Variants in PDE1C observed in about 807,000 individuals in gnomAD.
The protein encoded by PDE1C is dual specificity calcium/calmodulin-dependent 3',5'-cyclic nucleotide phosphodiesterase 1C.
PDE1C carries 62 observed loss-of-function variants against 93.1 expected under a neutral mutation model. The ratio of observed to expected loss-of-function variants is 0.67; its 90% CI spans 0.54 to 0.82. PDE1C has a LOEUF of 0.82. Among genes scored for constraint, PDE1C ranks in the 40% least tolerant of loss-of-function variants. The probability of loss-of-function intolerance (pLI) is 0.00; values close to 1 mark genes in which losing one functional copy is unlikely to be tolerated. For missense variants in PDE1C, 742 were observed against 884.6 expected, an observed-to-expected ratio of 0.84 and a Z score of 2.04; for synonymous variants, 325 against 310.1, an observed-to-expected ratio of 1.05 and a Z score of -0.50.
intron 1 of PDE1C, among the ~76,000 whole-genome samples, chr7:32,421,241 C>G (rs1261372396): frequency 6.6e-6 from 1 of 152,172 alleles, no homozygotes; most frequent in Non-Finnish European, 1.5e-5. Flanking sequence ...ACATGAACTG[C>G]TTTGTGGATT....
At chr7:31,953,002 T>C (rs951816494) in intron 2 of PDE1C, among the ~76,000 whole-genome samples, 2 of 152,158 alleles carry the variant, frequency 1.3e-5, no homozygotes, top group Non-Finnish European at 2.9e-5. Flanking sequence ...TGGGAGATTA[T>C]GTTCATTATT....
the PDE1C span, among the ~76,000 whole-genome samples, chr7:31,673,324 A>G: frequency 6.6e-6 from 1 of 151,904 alleles, no homozygotes; most frequent in African/African-American, 2.4e-5. Flanking sequence ...AGTCCTTACC[A>G]TTTGGGCCAA....
chr7:31,872,592 T>C (rs548251002), intron 6 of PDE1C, among the ~76,000 whole-genome samples: 78 of 151,978 alleles, frequency 5.1e-4, no homozygotes, highest in African/African-American at 1.7e-3. Flanking sequence ...TCCGGAGAAA[T>C]CAATATGTGG....
At chr7:32,099,689 A>G (rs1433927940) in intron 3 of PDE1C, among the ~76,000 whole-genome samples, 1 of 152,004 alleles carries the variant, frequency 6.6e-6, no homozygotes, top group African/African-American at 2.4e-5. Context: ...CAGCCTCCTC[A>G]TCTCCCATCA....
At chr7:31,958,532 A>G (rs1236432219) in intron 2 of PDE1C, among the ~76,000 whole-genome samples, 1 of 152,152 alleles carries the variant, frequency 6.6e-6, no homozygotes, top group Non-Finnish European at 1.5e-5. Context: ...GTAATTTCCA[A>G]TCTTCACATA....
At chr7:31,832,019 GA>G (rs1242774207) in intron 11 of PDE1C, among the ~76,000 whole-genome samples, 1 of 152,036 alleles carries the variant, frequency 6.6e-6, no homozygotes, top group East Asian at 1.9e-4. Flanking sequence ...GAAAAGGGAA[GA>G]AAACTAGAAC....
Position 31,964,133 on chromosome 7 carries a change from G to A in PDE1C, c.129-83273C>T, listed in dbSNP as rs926290721. On this transcript the variant is annotated intron_variant, in intron 2 of 17. Transcript: ENST00000396191. ...GGCAAGACAGTGGGTGCAGCGCACC[G>A]TGCGTGAGCCAAAGCACGGCAAAGC... 2.6e-4 allele frequency among the ~76,000 whole-genome samples: 39 copies of A among 152,358 alleles called. 1 individual carries two copies. Among genetic ancestry groups the A allele is most frequent in the Admixed American group, 7.8e-4 (12 of 15,310 alleles).
chr7:31,996,058 C>T (rs116590172), intron 2 of PDE1C, among the ~76,000 whole-genome samples: 39 of 137,668 alleles, frequency 2.8e-4, no homozygotes, highest in African/African-American at 8.6e-4. Context: ...TGTCTCTTTA[C>T]GCTTCCGGAC....
chr7:31,998,225 T>C (rs952904912), intron 2 of PDE1C, among the ~76,000 whole-genome samples: 3 of 152,112 alleles, frequency 2.0e-5, no homozygotes, highest in Non-Finnish European at 4.4e-5. Flanking sequence ...TTCACCATGT[T>C]AGCCAGGATG....
chr7:32,223,420 T>C (rs1807024966), intron 1 of PDE1C, among the ~76,000 whole-genome samples: 2 of 152,148 alleles, frequency 1.3e-5, no homozygotes, highest in South Asian at 4.2e-4. Context: ...GGAAGTTAGG[T>C]GACCCACCAA....
intron 16 of PDE1C, among the ~76,000 whole-genome samples, chr7:31,792,806 C>G (rs1784731352): frequency 6.6e-6 from 1 of 152,128 alleles, no homozygotes; most frequent in South Asian, 2.1e-4. Flanking sequence ...ATAGGCCACT[C>G]TGTGTGTAAC....
At chr7:31,996,077 A>ACACACG (rs1554455438) in intron 2 of PDE1C, among the ~76,000 whole-genome samples, 60 of 124,128 alleles carry the variant, frequency 4.8e-4, no homozygotes, top group African/African-American at 1.5e-3. Context: ...ACACACACAC[A>ACACACG]CACACACACA....
chr7:32,107,871 G>A (rs1403321682), intron 3 of PDE1C, among the ~76,000 whole-genome samples: 15 of 152,120 alleles, frequency 9.9e-5, no homozygotes, highest in Admixed American at 9.8e-4. Flanking sequence ...TAAGGGACAG[G>A]AGGGATGATT....
At chr7:32,302,037 C>G (rs550453675), upstream of PDE1C, among the ~76,000 whole-genome samples, 78 of 152,326 alleles carry the variant, frequency 5.1e-4, no homozygotes, top group African/African-American at 1.8e-3. Flanking sequence ...TCATTTATTT[C>G]CATATTCTTT....
the PDE1C span, among the ~76,000 whole-genome samples, chr7:31,620,142 G>GGCCT: frequency 1.3e-5 from 2 of 152,186 alleles, no homozygotes; most frequent in South Asian, 4.1e-4. Context: ...AGCTCAAGGA[G>GGCCT]GCCTGCCTGC....
chr7:31,889,996 A>T (rs1286618254), intron 2 of PDE1C, among the ~76,000 whole-genome samples: 2 of 151,162 alleles, frequency 1.3e-5, no homozygotes, highest in Non-Finnish European at 2.9e-5. Context: ...ATTTTTTTTT[A>T]GAGTAAGATT....
At chr7:31,927,038 G>A (rs1803482293) in intron 2 of PDE1C, among the ~76,000 whole-genome samples, 1 of 152,180 alleles carries the variant, frequency 6.6e-6, no homozygotes, top group East Asian at 1.9e-4. Context: ...CTTCCATGAA[G>A]CCCAGCAAGC....
intron 1 of PDE1C, among the ~76,000 whole-genome samples, chr7:32,406,868 C>T (rs1373341415): frequency 6.6e-6 from 1 of 152,196 alleles, no homozygotes; most frequent in Non-Finnish European, 1.5e-5. Flanking sequence ...TAGACAGCGT[C>T]CTGGTGAGAC....
Position 32,081,949 on chromosome 7 carries a change from A to AT in PDE1C, c.308+87835dup, listed in dbSNP as rs1426373169. Among the ~76,000 whole-genome samples, 6 of 152,342 alleles carry AT rather than the reference A, an allele frequency of 3.9e-5. No homozygotes were observed. In the East Asian group the frequency reaches 1.2e-3, roughly 29 times the overall value. On this transcript the variant is annotated intron_variant, in intron 3 of 18. Coordinates refer to the PDE1C transcript ENST00000396193. ...GAGTGAGCGACGCAGAAGATGGGTG[A>AT]TTTCTGCATTTCCATCTGAGGTACC...
Sources: allele counts gnomAD v4.1 joint callset (sites outside exome capture counted in the v4.1 genomes callset), GRCh38; gene constraint gnomAD v4.1.1; transcripts MANE v1.5; gene names NCBI Gene and HGNC (gene_info 2026-07-23, HGNC 2026-07-21).